Variants in SBF2 observed in about 807,000 individuals in gnomAD.
SBF2 encodes SET binding factor 2, also known as myotubularin-related protein 13.
In SBF2, 112 loss-of-function variants were observed where a neutral mutation model predicts 225.2. That is an observed-to-expected ratio of 0.50 (90% CI 0.43 to 0.58). The LOEUF (loss-of-function observed/expected upper bound fraction) is 0.58, where lower values mean the gene tolerates loss of function less well. Among genes scored for constraint, SBF2 ranks in the 20% least tolerant of loss-of-function variants. The pLI, the probability that SBF2 is intolerant of heterozygous loss-of-function variation, is 0.00. For missense variants in SBF2, 1,996 were observed against 2,206.2 expected, an observed-to-expected ratio of 0.90 and a Z score of 1.91; for synonymous variants, 763 against 773.3, an observed-to-expected ratio of 0.99 and a Z score of 0.22.
intron 2 of SBF2, among the ~76,000 whole-genome samples, chr11:10,164,549 C>T (rs1955873489): frequency 6.6e-6 from 1 of 152,174 alleles, no homozygotes; most frequent in South Asian, 2.1e-4. Flanking sequence ...ACATAAGTTA[C>T]ACTTTGGAGT....
chr11:9,792,921 T>TTGTGTG (rs767829391), intron 33 of SBF2, among the ~76,000 whole-genome samples: 1 of 140,122 alleles, frequency 7.1e-6, no homozygotes, highest in South Asian at 2.3e-4. Flanking sequence ...CCCAGCTAAT[T>TTGTGTG]TGTGTGTGTG....
chr11:9,872,585 T>C (rs1858866960), intron 17 of SBF2, among the ~76,000 whole-genome samples: 1 of 152,074 alleles, frequency 6.6e-6, no homozygotes, highest in Non-Finnish European at 1.5e-5. Flanking sequence ...ATTAGGGAAA[T>C]GAAAATGAAA....
intron 27 of SBF2, among the ~76,000 whole-genome samples, chr11:9,830,179 G>C (rs913103461): frequency 1.3e-5 from 2 of 152,172 alleles, no homozygotes; most frequent in Non-Finnish European, 2.9e-5. Flanking sequence ...CAGAATCACT[G>C]AAATCGGCCC....
chr11:9,812,361 T>C (rs959125762), intron 30 of SBF2, among the ~76,000 whole-genome samples, 171 bp downstream of exon 30: 2 of 152,220 alleles, frequency 1.3e-5, no homozygotes, highest in Non-Finnish European at 2.9e-5. Context: ...TCACCTCCTA[T>C]ACCAGATGAT....
chr11:10,020,649 G>A (rs1483736524), intron 6 of SBF2, among the ~76,000 whole-genome samples: 1 of 152,024 alleles, frequency 6.6e-6, no homozygotes, highest in Non-Finnish European at 1.5e-5. Flanking sequence ...CTTCTGAGGA[G>A]GCAACAATTT....
chr11:9,886,763 C>T (rs1475780238), intron 17 of SBF2, among the ~76,000 whole-genome samples: 4 of 146,978 alleles, frequency 2.7e-5, no homozygotes, highest in African/African-American at 1.0e-4. Flanking sequence ...CTCATTCCCA[C>T]CTGCAAGATA....
At chr11:10,292,519 CA>C (rs1964224654) in intron 1 of SBF2, among the ~76,000 whole-genome samples, 1 of 151,730 alleles carries the variant, frequency 6.6e-6, no homozygotes, top group East Asian at 1.9e-4. Flanking sequence ...GTCTCTACTA[CA>C]AATACAAAAA....
chr11:10,205,161 G>A (rs1957709684), intron 1 of SBF2, among the ~76,000 whole-genome samples: 1 of 151,884 alleles, frequency 6.6e-6, no homozygotes, highest in Non-Finnish European at 1.5e-5. Flanking sequence ...ATGTATCCCA[G>A]AACTTAAAAT....
At chr11:9,889,693 G>C (rs1860633507) in intron 17 of SBF2, among the ~76,000 whole-genome samples, 1 of 152,114 alleles carries the variant, frequency 6.6e-6, no homozygotes, top group African/African-American at 2.4e-5. Context: ...CTAACAACAT[G>C]GGTGAGCCTC....
In SBF2 at chr11:10,245,866, T is replaced by C. The variant is rs1296530015; in HGVS notation, c.55+48149A>G. On this transcript the variant is annotated intron_variant, in intron 1 of 39. Transcript: ENST00000256190. ...CAACATGGGTAAATCTGAAGGACAC[T>C]ACGCTAAGTGAAATAAGTCAGACCC... 7.2e-5 allele frequency among the ~76,000 whole-genome samples: 11 copies of C among 152,214 alleles called. No individual in the cohort carries two copies. The East Asian group carries it at 2.1e-3, about 29-fold the overall frequency.
chr11:10,279,646 A>G (rs1331279680), intron 1 of SBF2, among the ~76,000 whole-genome samples: 4 of 151,844 alleles, frequency 2.6e-5, no homozygotes, highest in Non-Finnish European at 5.9e-5. Flanking sequence ...GATCAGTGAT[A>G]TGTTTTTTTG....
chr11:10,105,458 C>T (rs955326809), intron 2 of SBF2, among the ~76,000 whole-genome samples: 1 of 152,172 alleles, frequency 6.6e-6, no homozygotes, highest in African/African-American at 2.4e-5. Flanking sequence ...AATAATCACA[C>T]CACTATAATC....
chr11:10,033,360 C>T (rs988467908), intron 3 of SBF2, among the ~76,000 whole-genome samples: 2 of 151,976 alleles, frequency 1.3e-5, no homozygotes, highest in East Asian at 1.9e-4. Context: ...TTGACCAAAA[C>T]ACAAAATAGA....
intron 3 of SBF2, 100 bp downstream of exon 3, chr11:10,042,744 T>C: frequency 7.9e-7 from 1 of 1,271,814 alleles, no homozygotes; most frequent in Non-Finnish European, 1.1e-6. Context: ...TGCTAGCCCA[T>C]AAAACTCAAA....
intron 2 of SBF2, among the ~76,000 whole-genome samples, chr11:10,086,858 A>G (rs1330105984): frequency 6.6e-6 from 1 of 152,158 alleles, no homozygotes; most frequent in Non-Finnish European, 1.5e-5. Context: ...ATGAGTTGTG[A>G]CAATCCAATG....
At chr11:9,786,781 A>G (rs1220057555) in intron 36 of SBF2, among the ~76,000 whole-genome samples, 1 of 152,242 alleles carries the variant, frequency 6.6e-6, no homozygotes, top group Non-Finnish European at 1.5e-5. Flanking sequence ...GAAGGTGTGT[A>G]CTGTACTAAG....
chr11:9,836,114 T>C (rs1213807070), intron 26 of SBF2, among the ~76,000 whole-genome samples: 1 of 152,198 alleles, frequency 6.6e-6, no homozygotes, highest in Admixed American at 6.5e-5. Flanking sequence ...TCTCCTGATA[T>C]ACAGAAGTTC....
At chr11:10,205,951 A>C (rs1436226171) in intron 1 of SBF2, among the ~76,000 whole-genome samples, 1 of 151,834 alleles carries the variant, frequency 6.6e-6, no homozygotes, top group Non-Finnish European at 1.5e-5. Context: ...CCAATCCAGA[A>C]ACACTGGGGT....
chr11:9,786,389 T>G (rs1466995765), intron 36 of SBF2, among the ~76,000 whole-genome samples: 1 of 152,216 alleles, frequency 6.6e-6, no homozygotes, highest in African/African-American at 2.4e-5. Flanking sequence ...ATTACTTTCA[T>G]TATTAGAAAA....
Sources: gnomAD v4.1 joint callset for allele counts (sites outside exome capture counted in the v4.1 genomes callset) on GRCh38, gnomAD v4.1.1 for gene constraint, MANE v1.5 for transcripts, NCBI Gene and HGNC (gene_info 2026-07-23, HGNC 2026-07-21) for gene names.